The following FHIT variants were observed in gnomAD, a reference collection of about 807,000 sequenced individuals.
FHIT encodes the protein bis(5'-adenosyl)-triphosphatase.
In FHIT, 19 loss-of-function variants were observed where a neutral mutation model predicts 17.9. The observed-to-expected ratio is 1.06, with a 90% confidence interval of 0.74 to 1.56. The LOEUF is 1.56. Ranked by LOEUF, FHIT falls within the 40% of genes most tolerant of loss-of-function variation. The pLI is 0.00. For missense variants in FHIT, 248 were observed against 189.2 expected (o/e 1.31, Z -1.82); for synonymous variants, 81 against 69.7 (o/e 1.16, Z -0.81).
Position 59,908,171 on chromosome 3 carries a change from C to T in FHIT, c.348+14175G>A, listed in dbSNP as rs922198667. On this transcript the variant is annotated intron_variant, in intron 8 of 9. Coordinates refer to ENST00000492590, the MANE Select transcript of FHIT (RefSeq NM_002012.4). ...GAGGCTATTATTTGGTCTTCCACAG[C>T]TGACTCACTGCAAGCCATCCCTTTG... Among the ~76,000 whole-genome samples the T allele has an allele frequency of 2.6e-5, 4 of 152,226 alleles. No homozygotes were observed. In the South Asian group the frequency reaches 6.2e-4, roughly 24 times the overall value.
intron 5 of FHIT, among the ~76,000 whole-genome samples, chr3:60,068,523 G>A (rs749896517): frequency 3.3e-5 from 5 of 152,172 alleles, no homozygotes; most frequent in Non-Finnish European, 2.9e-5. Flanking sequence ...TCCATTACTA[G>A]GACCATGATA....
intron 3 of FHIT, among the ~76,000 whole-genome samples, chr3:61,036,780 T>C (rs2033261317): frequency 6.6e-6 from 1 of 152,162 alleles, no homozygotes; most frequent in African/African-American, 2.4e-5. Flanking sequence ...ACACTGGTCA[T>C]GGAGGTGGCA....
chr3:60,570,162 G>T (rs1667546324), intron 4 of FHIT, among the ~76,000 whole-genome samples: 1 of 152,084 alleles, frequency 6.6e-6, no homozygotes, highest in African/African-American at 2.4e-5. Flanking sequence ...GGGAAGCCAT[G>T]CTGCACTGGA....
chr3:60,119,749 T>A (rs1024221944), intron 5 of FHIT, among the ~76,000 whole-genome samples: 2 of 152,166 alleles, frequency 1.3e-5, no homozygotes, highest in African/African-American at 2.4e-5. Flanking sequence ...CTCTTCAGGC[T>A]TTTTTCCCTT....
intron 5 of FHIT, among the ~76,000 whole-genome samples, chr3:60,455,660 C>T (rs570827638): frequency 3.9e-5 from 6 of 152,112 alleles, no homozygotes; most frequent in African/African-American, 1.4e-4. Flanking sequence ...ACTAGATGCC[C>T]TTTCCTCAAG....
intron 4 of FHIT, among the ~76,000 whole-genome samples, chr3:60,603,786 G>C (rs1553669805): frequency 1.3e-5 from 2 of 152,082 alleles, no homozygotes; most frequent in African/African-American, 4.8e-5. Context: ...AGAATGAGTA[G>C]AATGTATCCA....
At chr3:60,596,543 T>A (rs544729096) in intron 4 of FHIT, among the ~76,000 whole-genome samples, 1 of 152,286 alleles carries the variant, frequency 6.6e-6, no homozygotes, top group African/African-American at 2.4e-5. Flanking sequence ...ACAGACAAGA[T>A]TGAGGCTCCC....
At chr3:60,023,991 T>TAAAAA (rs34799084) in intron 5 of FHIT, among the ~76,000 whole-genome samples, 5 of 147,810 alleles carry the variant, frequency 3.4e-5, no homozygotes, top group African/African-American at 1.2e-4. Flanking sequence ...TACTTCATGG[T>TAAAAA]AAAAAAAAAA....
At chr3:59,976,823 A>G (rs1575802326) in intron 7 of FHIT, among the ~76,000 whole-genome samples, 1 of 152,254 alleles carries the variant, frequency 6.6e-6, no homozygotes, top group East Asian at 1.9e-4. Flanking sequence ...TCGTGCTCAT[A>G]AACTTATACA....
At chr3:59,871,567 C>T (rs760218130) in intron 8 of FHIT, among the ~76,000 whole-genome samples, 1 of 152,074 alleles carries the variant, frequency 6.6e-6, no homozygotes, top group South Asian at 2.1e-4. Context: ...GTTTTACAGG[C>T]TAGCAGGAAT....
chr3:60,501,230 A>G lies in FHIT; in HGVS notation c.103+35630T>C, dbSNP rs375984010. On this transcript the variant is annotated intron_variant, in intron 5 of 9. Transcript: ENST00000492590. The stretch of plus-strand genomic sequence containing the variant: ...GGGATGACTTGAAGTAATATGATCC[A>G]AGGAGCCAGATTTCAATATACGTTT... 4.5e-4 allele frequency among the ~76,000 whole-genome samples: 68 copies of G among 152,330 alleles called. 2 individuals carry two copies. The South Asian group carries it at 0.013, about 29-fold the overall frequency.
intron 2 of FHIT, among the ~76,000 whole-genome samples, chr3:61,082,950 G>T (rs531568181): frequency 6.6e-6 from 1 of 152,152 alleles, no homozygotes; most frequent in East Asian, 1.9e-4. Flanking sequence ...CATTCAGGGT[G>T]GTATGGCCGT....
chr3:60,042,738 C>A (rs992477012), intron 5 of FHIT, among the ~76,000 whole-genome samples: 6 of 151,816 alleles, frequency 4.0e-5, no homozygotes, highest in African/African-American at 1.5e-4. Flanking sequence ...TCTTTCTTTG[C>A]AAGGGATACA....
intron 4 of FHIT, among the ~76,000 whole-genome samples, chr3:60,678,049 C>G (rs1163409708): frequency 6.6e-6 from 1 of 151,944 alleles, no homozygotes; most frequent in Admixed American, 6.6e-5. Flanking sequence ...TGGATCTTTT[C>G]TTGGTTAGTA....
intron 5 of FHIT, among the ~76,000 whole-genome samples, chr3:60,223,470 G>T (rs1704052847): frequency 6.6e-6 from 1 of 152,120 alleles, no homozygotes; most frequent in Non-Finnish European, 1.5e-5. Context: ...TCCTAAGGTG[G>T]TAATCCGAGA....
chr3:60,573,585 T>C (rs1345600268), intron 4 of FHIT, among the ~76,000 whole-genome samples: 1 of 152,152 alleles, frequency 6.6e-6, no homozygotes, highest in African/African-American at 2.4e-5. Context: ...ACCTGCAGCA[T>C]CCAGAGCAGC....
rs77204780 is a variant in FHIT, at chr3:60,385,470, A to C, written c.103+151390T>G. Among the ~76,000 whole-genome samples the C allele has an allele frequency of 9.7e-3, 1,472 of 152,316 alleles. 27 individuals are homozygous for C. Among genetic ancestry groups the C allele is most frequent in the African/African-American group, 0.034 (1,407 of 41,552 alleles). ...AACTAGACATAAAGGTGCTGAATAA[A>C]ATAATTAAGAAAAAGGAAATAGCAA... On this transcript the variant is annotated intron_variant, in intron 5 of 9. Coordinates refer to ENST00000492590, the MANE Select transcript of FHIT (RefSeq NM_002012.4).
intron 1 of FHIT, among the ~76,000 whole-genome samples, chr3:61,206,677 A>G (rs2039245268): frequency 6.6e-6 from 1 of 151,932 alleles, no homozygotes. Flanking sequence ...TTGTATCCTG[A>G]GACTTTCCTG....
At chr3:59,774,370 G>A (rs145187691) in intron 8 of FHIT, among the ~76,000 whole-genome samples, 120 of 152,286 alleles carry the variant, frequency 7.9e-4, no homozygotes, top group African/African-American at 2.8e-3. Context: ...AGTCAAGAAC[G>A]TTCATTCCAG....
Sources: gnomAD v4.1 joint callset for allele counts (sites outside exome capture counted in the v4.1 genomes callset) on GRCh38, gnomAD v4.1.1 for gene constraint, MANE v1.5 for transcripts, NCBI Gene and HGNC (gene_info 2026-07-23, HGNC 2026-07-21) for gene names.